Variants in SMG5 observed in about 807,000 individuals in gnomAD.
SMG5 encodes SMG5 nonsense mediated mRNA decay factor, also known as nonsense-mediated mRNA decay factor SMG5.
Under a neutral mutation model 122.9 loss-of-function variants are expected in SMG5, and 53 were observed. That is an observed-to-expected ratio of 0.43 (90% CI 0.35 to 0.54). SMG5 has a LOEUF of 0.54. SMG5 is among the 20% of genes least tolerant of loss of function. SMG5 has a pLI of 0.01. For missense variants in SMG5, 1,153 were observed against 1,285.6 expected, an observed-to-expected ratio of 0.90 and a Z score of 1.58; for synonymous variants, 477 against 490.2, an observed-to-expected ratio of 0.97 and a Z score of 0.35.
At position 156,253,017 on chromosome 1, in the gene SMG5, G is replaced by A; in HGVS notation, c.2564C>T (p.Pro855Leu). ...QQPKAQSAMS[P>L]YLVPDTQALC... The stretch of plus-strand genomic sequence containing the variant: ...GGCCTGGGTGTCAGGGACGAGGTAG[G>A]GAGACATGGCTGACTGGGCCTTGGG... The change falls in exon 18 of 22, where the codon CCC becomes CTC. Residue 855 changes from proline (P) to leucine (L), a missense_variant. Physicochemically the swap from Pro to Leu is moderately conservative, Grantham distance 98. This residue lies in a region of SMG5 where 140 missense variants were observed against 227.8 expected (regional missense o/e 0.61). Transcript: ENST00000361813. The A allele has an allele frequency of 6.2e-7, 1 of 1,613,308 alleles. No homozygotes were observed. Among genetic ancestry groups the A allele is most frequent in the African/African-American group, 1.3e-5 (1 of 75,042 alleles).
intron 15 of SMG5, among the ~76,000 whole-genome samples, chr1:156,259,641 T>C (rs1277590358): frequency 2.6e-5 from 4 of 152,156 alleles, no homozygotes; most frequent in Non-Finnish European, 5.9e-5. Flanking sequence ...GTCATCCTCC[T>C]GCCTCGGCCC....
intron 16 of SMG5, among the ~76,000 whole-genome samples, chr1:156,258,372 C>T (rs1026001418): frequency 6.6e-6 from 1 of 152,254 alleles, no homozygotes; most frequent in Non-Finnish European, 1.5e-5. Flanking sequence ...TGTTTGTTCC[C>T]ACATAACTGA....
intron 7 of SMG5, among the ~76,000 whole-genome samples, chr1:156,271,566 GTTTT>G (rs755111375): frequency 0.011 from 877 of 82,246 alleles, 7 homozygotes; most frequent in African/African-American, 0.039. Context: ...CCCTGAAGAG[GTTTT>G]TTTTTTTTTT....
At chr1:156,267,986 G>T in intron 9 of SMG5, 129 bp downstream of exon 9, 1 of 978,338 alleles carries the variant, frequency 1.0e-6, no homozygotes, top group East Asian at 2.4e-5. Context: ...TGCCAAGAAA[G>T]GATGAATTGG....
upstream of SMG5, chr1:156,282,967 G>T (rs1663041039): frequency 1.9e-6 from 1 of 531,146 alleles, no homozygotes; most frequent in Non-Finnish European, 3.3e-6. Context: ...GCGTCTTTCC[G>T]GCTTCTCCAA....
intron 16 of SMG5, 128 bp downstream of exon 16, chr1:156,258,877 T>A: frequency 1.9e-5 from 20 of 1,080,500 alleles, no homozygotes; most frequent in East Asian, 3.3e-5. Flanking sequence ...CAGCCTCCCC[T>A]CCCCTCTCCC....
chr1:156,285,671 T>C (rs1663130468), upstream of SMG5: 4 of 1,613,752 alleles, frequency 2.5e-6, no homozygotes, highest in Non-Finnish European at 3.4e-6. Flanking sequence ...TATCGTGCGC[T>C]GTGAGGCAGG....
chr1:156,286,587 A>C, upstream of SMG5: 1 of 1,050,482 alleles, frequency 9.5e-7, no homozygotes, highest in Non-Finnish European at 1.4e-6. Context: ...ACTGGCCCAA[A>C]TGTGTGCCCT....
intron 7 of SMG5, among the ~76,000 whole-genome samples, chr1:156,268,707 T>C (rs528358610): frequency 6.6e-6 from 1 of 152,318 alleles, no homozygotes; most frequent in Non-Finnish European, 1.5e-5. Flanking sequence ...AAATACACTA[T>C]CCTTCATCTA....
chr1:156,261,384 G>A lies in SMG5; in HGVS notation c.2056C>T (p.Leu686=). The part of the protein sequence containing the change: ...AQSSQSLWNR[L]SVLLNLLPAA... Reference sequence around the variant, plus strand: ...GGCAACAGATTCAGCAACACAGACAGGCGGTTCCACAGACTTTGAGAGCTC... The same window carrying A: ...GGCAACAGATTCAGCAACACAGACAAGCGGTTCCACAGACTTTGAGAGCTC... The change falls in exon 14 of 22, where the codon CTG becomes TTG. Residue 686 remains leucine (L), a synonymous_variant. Transcript: ENST00000361813. 1 of 1,614,164 alleles carries A rather than the reference G, an allele frequency of 6.2e-7. No individual in the cohort carries two copies. Among genetic ancestry groups the A allele is most frequent in the Non-Finnish European group, 8.5e-7 (1 of 1,180,032 alleles).
At position 156,272,400 on chromosome 1, in the gene SMG5, T is replaced by C; in HGVS notation, c.635-2A>G. On this transcript the variant is annotated splice_acceptor_variant, in intron 6 of 21. Transcript: ENST00000361813. LOFTEE classifies it high-confidence loss of function. ...TGCCCAGCTGATTGAAGGGCATTCC[T>C]AGGGAGAAAGAGAATTCATGCAGTC... The C allele has an allele frequency of 6.3e-7, 1 of 1,598,728 alleles. No homozygotes were observed. The highest frequency in any genetic ancestry group is 8.5e-7 in the Non-Finnish European group (1 of 1,170,748).
intron 3 of SMG5, among the ~76,000 whole-genome samples, chr1:156,277,568 A>G (rs1489277755): frequency 7.4e-5 from 11 of 147,696 alleles, no homozygotes; most frequent in Non-Finnish European, 7.4e-5. Flanking sequence ...GCTGGAGTAC[A>G]ATGGCGCGAT....
At chr1:156,265,074 A>ACACACACAC (rs1558237998) in intron 12 of SMG5, among the ~76,000 whole-genome samples, 1 of 71,022 alleles carries the variant, frequency 1.4e-5, no homozygotes, top group African/African-American at 5.6e-5. Context: ...CACACACACA[A>ACACACACAC]AAGCCGGGCA....
rs1399461183 is a variant in SMG5 at position 156,261,400 on chromosome 1, T to C, written c.2040A>G (p.Gln680=). Residue 680 remains glutamine, a synonymous_variant, in exon 14 of 22, where the codon CAA becomes CAG. Coordinates refer to ENST00000361813, the MANE Select transcript of SMG5 (RefSeq NM_015327.3). The part of the protein sequence containing the change: ...DLIIVCAQSS[Q]SLWNRLSVLL... ...ACACAGACAGGCGGTTCCACAGACT[T>C]TGAGAGCTCTGGGGAGAGAGAAGGG... is the stretch of plus-strand genomic sequence containing the variant. The C allele has an allele frequency of 3.1e-6, 5 of 1,613,728 alleles. No individual in the cohort carries two copies. Among genetic ancestry groups the C allele is most frequent in the Non-Finnish European group, 4.2e-6 (5 of 1,179,896 alleles).
rs189681508 is a variant in SMG5 at position 156,270,838 on chromosome 1, T to A, written c.713+1482A>T. Among the ~76,000 whole-genome samples the A allele has an allele frequency of 1.3e-3, 204 of 151,970 alleles. 2 individuals carry two copies. Among genetic ancestry groups the A allele is most frequent in the African/African-American group, 4.8e-3 (200 of 41,440 alleles). ...GCCTGAGCAACATGGAGAAACCCGGTCTCTACTAAAAATACAAAATTAGCC... is the reference window on the plus strand; with the variant it reads ...GCCTGAGCAACATGGAGAAACCCGGACTCTACTAAAAATACAAAATTAGCC... On this transcript the variant is annotated intron_variant, in intron 7 of 21. Transcript: ENST00000361813.
chr1:156,281,692 A>G (rs1662952837), intron 1 of SMG5, among the ~76,000 whole-genome samples: 1 of 152,210 alleles, frequency 6.6e-6, no homozygotes. Flanking sequence ...GAGCTAAATG[A>G]AAACCCCAAA....
chr1:156,256,244 A>T (rs1661570437), intron 16 of SMG5, among the ~76,000 whole-genome samples: 1 of 151,812 alleles, frequency 6.6e-6, no homozygotes, highest in African/African-American at 2.4e-5. Context: ...TCCCCTTGAG[A>T]AACAATGTAA....
chr1:156,265,693 T>C, intron 12 of SMG5, 88 bp downstream of exon 12: 1 of 1,537,168 alleles, frequency 6.5e-7, no homozygotes, highest in Non-Finnish European at 8.8e-7. Flanking sequence ...CGAGAGGTCA[T>C]TCACACAGAT....
chr1:156,272,978 G>A (rs1163473524), intron 6 of SMG5, among the ~76,000 whole-genome samples: 3 of 152,132 alleles, frequency 2.0e-5, no homozygotes, highest in Non-Finnish European at 4.4e-5. Context: ...AAGGTTGATG[G>A]AACTCCATGG....
Sources: allele counts gnomAD v4.1 joint callset (sites outside exome capture counted in the v4.1 genomes callset), GRCh38; gene constraint gnomAD v4.1.1; regional missense constraint gnomAD v4.1.1; transcripts MANE v1.5; gene names NCBI Gene and HGNC (gene_info 2026-07-23, HGNC 2026-07-21).